Variants in SLC30A7 observed in about 807,000 individuals in gnomAD.
SLC30A7 encodes solute carrier family 30 member 7, also known as zinc transporter 7.
In SLC30A7, 35 loss-of-function variants were observed where a neutral mutation model predicts 46.0. The ratio of observed to expected loss-of-function variants is 0.76; its 90% CI spans 0.58 to 1.01. The LOEUF is 1.01. SLC30A7 is among the 50% of genes least tolerant of loss of function. The pLI, the probability that SLC30A7 is intolerant of heterozygous loss-of-function variation, is 0.00. For missense variants in SLC30A7, 464 were observed against 451.1 expected (o/e 1.03, Z -0.26); for synonymous variants, 147 against 157.8 (o/e 0.93, Z 0.51).
Position 100,920,796 on chromosome 1 carries a change from A to T in SLC30A7, c.707-910A>T, listed in dbSNP as rs186913132. On this transcript the variant is annotated intron_variant, in intron 7 of 10. Coordinates refer to ENST00000357650, the MANE Select transcript of SLC30A7 (RefSeq NM_133496.5). The stretch of plus-strand genomic sequence containing the variant: ...TTTCTCAACTACATACATGCTTTTT[A>T]TGCATTAACTATTTCTTTTCAGATA... Among the ~76,000 whole-genome samples the T allele has an allele frequency of 6.7e-3, 1,026 of 152,150 alleles. 18 individuals carry two copies. Among genetic ancestry groups the T allele is most frequent in the African/African-American group, 0.022 (895 of 41,574 alleles).
intron 9 of SLC30A7, among the ~76,000 whole-genome samples, chr1:100,963,472 G>C (rs1456948850): frequency 6.6e-6 from 1 of 152,144 alleles, no homozygotes; most frequent in Non-Finnish European, 1.5e-5. Flanking sequence ...TGTTGGAGAG[G>C]GGAGCATGAT....
chr1:100,947,140 T>G (rs1654685080), intron 8 of SLC30A7, among the ~76,000 whole-genome samples: 1 of 152,232 alleles, frequency 6.6e-6, no homozygotes, highest in African/African-American at 2.4e-5. Context: ...TTATTTTAAT[T>G]GTGATATTAG....
At chr1:100,919,214 A>T (rs894133820) in intron 7 of SLC30A7, among the ~76,000 whole-genome samples, 3 of 151,644 alleles carry the variant, frequency 2.0e-5, no homozygotes, top group East Asian at 1.9e-4. Context: ...AATTATAGTA[A>T]TTTTTTTTTG....
At chr1:100,986,625 A>G (rs1212861800), downstream of SLC30A7, among the ~76,000 whole-genome samples, 8 of 152,184 alleles carry the variant, frequency 5.3e-5, no homozygotes, top group Non-Finnish European at 5.9e-5. Flanking sequence ...ATAAAATATC[A>G]GGCAAAAACC....
At chr1:100,992,597 C>G in the SLC30A7 span, 1 of 1,427,318 alleles carries the variant, frequency 7.0e-7, no homozygotes, top group Non-Finnish European at 9.9e-7. Context: ...AATGTAGTAA[C>G]AGAGGAATAA....
intron 2 of SLC30A7, among the ~76,000 whole-genome samples, chr1:100,906,322 G>T (rs367633635): frequency 3.8e-4 from 58 of 152,248 alleles, no homozygotes; most frequent in Middle Eastern, 3.4e-3. Context: ...AGGTTCTCTT[G>T]TTGTATCCCT....
intron 6 of SLC30A7, among the ~76,000 whole-genome samples, chr1:100,914,304 C>T (rs181051397): frequency 6.6e-6 from 1 of 152,302 alleles, no homozygotes; most frequent in Admixed American, 6.5e-5. Context: ...ATTCATTCAA[C>T]TATTTTTTTG....
intron 9 of SLC30A7, among the ~76,000 whole-genome samples, chr1:100,965,295 A>G (rs910553735): frequency 1.3e-5 from 2 of 152,184 alleles, no homozygotes; most frequent in Admixed American, 6.5e-5. Flanking sequence ...ATCTTATTTC[A>G]GCTCCTCCAG....
At chr1:100,910,043 G>A (rs888166118) in intron 3 of SLC30A7, among the ~76,000 whole-genome samples, 5 of 151,976 alleles carry the variant, frequency 3.3e-5, no homozygotes, top group African/African-American at 1.2e-4. Flanking sequence ...ATTATTTCTG[G>A]CATAGAAATA....
At chr1:100,912,828 A>C (rs1162803317) in intron 5 of SLC30A7, among the ~76,000 whole-genome samples, 1 of 151,732 alleles carries the variant, frequency 6.6e-6, no homozygotes, top group Non-Finnish European at 1.5e-5. Context: ...CAGCGAGCCG[A>C]GATCATGCCA....
rs952866531 is a variant in SLC30A7, at chr1:100,978,861, CA to C, written c.*4006del. On this transcript the variant is annotated 3_prime_UTR_variant, in exon 11 of 11. Transcript: ENST00000357650. The stretch of plus-strand genomic sequence containing the variant: ...AACCAGTTCCTGACATTTTAAAAAA[CA>C]ATATCTGTAAAATGGATCCTTTTAT... 5 of 152,108 alleles carry C rather than the reference CA, an allele frequency of 3.3e-5. No homozygotes were observed. Among genetic ancestry groups the C allele is most frequent in the Admixed American group, 1.3e-4 (2 of 15,282 alleles). 9.4% of individuals were successfully genotyped at this position (152,108 alleles called of 1,614,324 possible).
At chr1:100,921,375 T>C (rs1405747624) in intron 7 of SLC30A7, among the ~76,000 whole-genome samples, 1 of 152,158 alleles carries the variant, frequency 6.6e-6, no homozygotes, top group Non-Finnish European at 1.5e-5. Flanking sequence ...CCATAACAAA[T>C]TACTGACTTT....
In SLC30A7 at chr1:100,921,800, T is replaced by C; in HGVS notation, c.801T>C (p.Asp267=). Residue 267 remains aspartate (D), a synonymous_variant, in exon 8 of 11, where the codon GAT becomes GAC. Coordinates refer to ENST00000357650, the MANE Select transcript of SLC30A7 (RefSeq NM_133496.5). ...MMQNFGLMIA[D]PICSILIAIL... ...AAAATTTTGGTCTGATGATAGCAGA[T>C]CCTATCTGTTCAATTCTTATAGCCA... 1 of 1,613,218 alleles carries C rather than the reference T, an allele frequency of 6.2e-7. No homozygotes were observed. Among genetic ancestry groups the C allele is most frequent in the East Asian group, 2.2e-5 (1 of 44,786 alleles).
At position 100,896,343 on chromosome 1, in the gene SLC30A7, G is replaced by A. The variant is rs1172074045; in HGVS notation, c.80+1G>A. ...TCGGCAAGATCTCGGGCTGGTTTAGGTGCGGGGTGCTGTGTTTGCGGGGAG... is the reference window on the plus strand; with the variant it reads ...TCGGCAAGATCTCGGGCTGGTTTAGATGCGGGGTGCTGTGTTTGCGGGGAG... On this transcript the variant is annotated splice_donor_variant, in intron 1 of 10. Transcript: ENST00000357650. LOFTEE classifies it high-confidence loss of function. 16 of 1,614,172 alleles carry A rather than the reference G, an allele frequency of 9.9e-6. No individual in the cohort carries two copies. The highest frequency in any genetic ancestry group is 1.4e-5 in the Non-Finnish European group (16 of 1,180,032).
rs760279889 is a variant in SLC30A7, at chr1:100,913,750, A to T, written c.599A>T (p.His200Leu). 6.2e-7 allele frequency: 1 copy of T among 1,613,990 alleles called. No individual in the cohort carries two copies. ...VDHCHSHEVK[H>L]GAAHSHDHAH... ...CATTGCCATAGCCATGAAGTGAAAC[A>T]TGGTGCTGCACATAGCCATGATCAT... is the stretch of plus-strand genomic sequence containing the variant. Residue 200 changes from histidine to leucine, a missense_variant, in exon 6 of 11, where the codon CAT (histidine) becomes CTT (leucine). Physicochemically the swap from His to Leu is moderately conservative, Grantham distance 99. Coordinates refer to ENST00000357650, the MANE Select transcript of SLC30A7 (RefSeq NM_133496.5).
At chr1:100,906,738 G>A (rs1651700058) in intron 2 of SLC30A7, 114 bp from the exon 3 acceptor site, 3 of 685,362 alleles carry the variant, frequency 4.4e-6, no homozygotes, top group Non-Finnish European at 7.7e-6. Flanking sequence ...TATTTAAATT[G>A]TTGTTTTAGA....
In SLC30A7 at chr1:100,911,054, C is replaced by T; in HGVS notation, c.297-9C>T. The T allele has an allele frequency of 6.3e-7, 1 of 1,591,590 alleles. No homozygotes were observed. The highest frequency in any genetic ancestry group is 1.7e-4 in the Middle Eastern group (1 of 5,962). On this transcript the variant is annotated splice_polypyrimidine_tract_variant and intron_variant, in intron 3 of 10. Coordinates refer to ENST00000357650, the MANE Select transcript of SLC30A7 (RefSeq NM_133496.5). Reference sequence around the variant, plus strand: ...TAATAATTCAGTTATTTACTTTGTTCCTCTTTAGGTATGTTAGAGCGGAAG... The same window carrying T: ...TAATAATTCAGTTATTTACTTTGTTTCTCTTTAGGTATGTTAGAGCGGAAG...
At chr1:100,933,202 C>G (rs1478238362) in intron 8 of SLC30A7, among the ~76,000 whole-genome samples, 1 of 151,716 alleles carries the variant, frequency 6.6e-6, no homozygotes, top group African/African-American at 2.4e-5. Context: ...TCTTGATCTC[C>G]TGACCTCGTG....
At position 100,896,719 on chromosome 1, in the gene SLC30A7, A is replaced by T. The variant is rs141847093; in HGVS notation, c.182+48A>T. On this transcript the variant is annotated intron_variant, in intron 2 of 10. Coordinates refer to ENST00000357650, the MANE Select transcript of SLC30A7 (RefSeq NM_133496.5). The stretch of plus-strand genomic sequence containing the variant: ...TGGGCGGAAGCTGGGTGTGAGGGAG[A>T]CGAAGCACTGTTTGCTTAATGCCAC... The T allele has an allele frequency of 2.0e-6, 3 of 1,520,042 alleles. No individual in the cohort carries two copies. The African/African-American group carries it at 4.1e-5, about 21-fold the overall frequency. 94.2% of individuals were successfully genotyped at this position (1,520,042 alleles called of 1,614,324 possible). A position where few individuals can be genotyped will look rare whatever the true frequency, so the allele number is the denominator to read the frequency against.
Sources: allele counts gnomAD v4.1 joint callset (sites outside exome capture counted in the v4.1 genomes callset), GRCh38; gene constraint gnomAD v4.1.1; transcripts MANE v1.5; gene names NCBI Gene and HGNC (gene_info 2026-07-23, HGNC 2026-07-21).